Variants in IQCM observed in about 807,000 individuals in gnomAD.
IQCM encodes IQ domain-containing protein M.
In IQCM, 45 loss-of-function variants were observed where a neutral mutation model predicts 57.6. The ratio of observed to expected loss-of-function variants is 0.78; its 90% CI spans 0.62 to 1.00. The LOEUF is 1.00. IQCM is among the 50% of genes least tolerant of loss of function. The pLI is 0.00. For synonymous variants in IQCM, 148 were observed against 158.9 expected (o/e 0.93, Z 0.51); for missense variants, 468 against 511.6 (o/e 0.91, Z 0.82).
intron 13 of IQCM, 102 bp from the exon 14 acceptor site, chr4:149,352,168 G>T: frequency 2.5e-6 from 1 of 395,174 alleles, no homozygotes; most frequent in Non-Finnish European, 4.5e-6. Context: ...ACTAATTATG[G>T]TTGTGTTAGA....
chr4:149,501,392 C>G lies in IQCM; in HGVS notation c.1228+47063G>C, dbSNP rs137902563. Among the ~76,000 whole-genome samples, 3 of 152,228 alleles carry G rather than the reference C, an allele frequency of 2.0e-5. No homozygotes were observed. The East Asian group carries it at 5.8e-4, about 29-fold the overall frequency. Reference sequence around the variant, plus strand: ...TTCAGTATTTGATAAATAAAACCAACTTGAATGATTCCAGAAGTTCATCAG... The same window carrying G: ...TTCAGTATTTGATAAATAAAACCAAGTTGAATGATTCCAGAAGTTCATCAG... On this transcript the variant is annotated intron_variant, in intron 12 of 13. Coordinates refer to ENST00000636793, the MANE Select transcript of IQCM (RefSeq NM_001363507.2).
At chr4:149,397,114 C>T (rs756228342) in intron 13 of IQCM, among the ~76,000 whole-genome samples, 26 of 151,962 alleles carry the variant, frequency 1.7e-4, no homozygotes, top group Non-Finnish European at 3.5e-4. Flanking sequence ...TTTTCAGGAA[C>T]CTCCATGCCA....
intron 12 of IQCM, among the ~76,000 whole-genome samples, chr4:149,490,151 A>T (rs1477941080): frequency 2.6e-5 from 4 of 151,966 alleles, no homozygotes; most frequent in African/African-American, 4.8e-5. Flanking sequence ...TCAAAGTACT[A>T]AACTAATGGT....
At chr4:149,570,086 C>T (rs1751016476) in intron 9 of IQCM, among the ~76,000 whole-genome samples, 1 of 151,820 alleles carries the variant, frequency 6.6e-6, no homozygotes, top group African/African-American at 2.4e-5. Flanking sequence ...GTTAATAAAT[C>T]ATTGTGAATA....
intron 12 of IQCM, among the ~76,000 whole-genome samples, chr4:149,470,375 A>G (rs893905428): frequency 1.3e-5 from 2 of 152,220 alleles, no homozygotes; most frequent in Non-Finnish European, 2.9e-5. Flanking sequence ...GGAGACAAAG[A>G]AGGCCATGAC....
chr4:149,442,135 A>C (rs1736005141), intron 12 of IQCM, among the ~76,000 whole-genome samples: 1 of 152,190 alleles, frequency 6.6e-6, no homozygotes, highest in African/African-American at 2.4e-5. Flanking sequence ...TTGATAACTA[A>C]TGAGACTTGT....
intron 3 of IQCM, among the ~76,000 whole-genome samples, chr4:149,739,548 T>A (rs1051921596): frequency 6.6e-6 from 1 of 152,060 alleles, no homozygotes; most frequent in Non-Finnish European, 1.5e-5. Flanking sequence ...TAAATTGTCT[T>A]ATTAAAATTC....
At chr4:149,770,994 T>C (rs1017138046) in intron 2 of IQCM, among the ~76,000 whole-genome samples, 4 of 152,028 alleles carry the variant, frequency 2.6e-5, no homozygotes, top group African/African-American at 9.7e-5. Context: ...AAAATTGTCT[T>C]TATATGTCCA....
intron 12 of IQCM, among the ~76,000 whole-genome samples, chr4:149,519,982 G>C (rs1229053296): frequency 6.6e-6 from 1 of 152,070 alleles, no homozygotes; most frequent in Non-Finnish European, 1.5e-5. Context: ...TCCAGCCTGG[G>C]AGACACAGCG....
intron 5 of IQCM, among the ~76,000 whole-genome samples, chr4:149,728,628 T>C (rs1038470630): frequency 1.3e-5 from 2 of 152,238 alleles, no homozygotes; most frequent in Non-Finnish European, 2.9e-5. Context: ...GAATCACTTA[T>C]GTGCATTTTA....
intron 11 of IQCM, among the ~76,000 whole-genome samples, chr4:149,552,566 T>G (rs2149906396): frequency 6.6e-6 from 1 of 152,306 alleles, no homozygotes; most frequent in Non-Finnish European, 1.5e-5. Flanking sequence ...AATGTGTTGT[T>G]TAGTAGGCTC....
intron 8 of IQCM, among the ~76,000 whole-genome samples, chr4:149,600,804 T>C (rs1754203911): frequency 6.6e-6 from 1 of 152,174 alleles, no homozygotes; most frequent in Non-Finnish European, 1.5e-5. Flanking sequence ...CTTACATAAA[T>C]ATATCAGTTT....
intron 13 of IQCM, among the ~76,000 whole-genome samples, chr4:149,402,468 A>T (rs1394913498): frequency 6.6e-6 from 1 of 151,838 alleles, no homozygotes; most frequent in Non-Finnish European, 1.5e-5. Context: ...GTTTTCAAAC[A>T]TATATCTAAT....
chr4:149,687,492 T>A lies in IQCM; in HGVS notation c.386-1024A>T, dbSNP rs989914412. On this transcript the variant is annotated intron_variant, in intron 5 of 13. Coordinates refer to ENST00000636793, the MANE Select transcript of IQCM (RefSeq NM_001363507.2). ...TGCATAGAGTTTGCATAGCATTTTG[T>A]ATTATAAGTAATCTAGAGATGATTT... 2.0e-5 allele frequency among the ~76,000 whole-genome samples: 3 copies of A among 151,606 alleles called. No individual in the cohort carries two copies. The South Asian group carries it at 6.2e-4, about 31-fold the overall frequency.
intron 12 of IQCM, among the ~76,000 whole-genome samples, chr4:149,485,773 T>C (rs1441150072): frequency 6.6e-6 from 1 of 152,128 alleles, no homozygotes; most frequent in African/African-American, 2.4e-5. Context: ...CTTGAAGATA[T>C]TCTTCAGTGT....
chr4:149,431,339 G>A (rs1734840842), intron 13 of IQCM, among the ~76,000 whole-genome samples: 1 of 152,004 alleles, frequency 6.6e-6, no homozygotes, highest in Admixed American at 6.6e-5. Flanking sequence ...GATATGGCCA[G>A]TCTTTTTAAC....
chr4:149,396,848 A>G (rs1732264940), intron 13 of IQCM, among the ~76,000 whole-genome samples: 1 of 152,024 alleles, frequency 6.6e-6, no homozygotes, highest in South Asian at 2.1e-4. Context: ...CTCTCAGCAT[A>G]ATATCTTCAA....
intron 7 of IQCM, among the ~76,000 whole-genome samples, chr4:149,637,794 T>C (rs181596930): frequency 4.6e-5 from 7 of 152,260 alleles, no homozygotes; most frequent in African/African-American, 1.7e-4. Flanking sequence ...CAACAAATGG[T>C]ACTATCTTAA....
chr4:149,551,346 A>C (rs984383820), intron 11 of IQCM, among the ~76,000 whole-genome samples: 1 of 152,226 alleles, frequency 6.6e-6, no homozygotes, highest in African/African-American at 2.4e-5. Flanking sequence ...CCAGGCTGGA[A>C]AACAGAAATC....
Sources: gnomAD v4.1 joint callset for allele counts (sites outside exome capture counted in the v4.1 genomes callset) on GRCh38, gnomAD v4.1.1 for gene constraint, MANE v1.5 for transcripts, NCBI Gene and HGNC (gene_info 2026-07-23, HGNC 2026-07-21) for gene names.